The following ADAR variants were observed in gnomAD, a reference collection of about 807,000 sequenced individuals.
ADAR encodes double-stranded RNA-specific adenosine deaminase.
A neutral mutation model predicts 113.2 loss-of-function variants in ADAR; 41 were observed. The observed-to-expected ratio is 0.36, with a 90% confidence interval of 0.28 to 0.47. The LOEUF is 0.47. ADAR is among the 20% of genes least tolerant of loss of function. The probability of loss-of-function intolerance (pLI) is 1.00; values close to 1 mark genes in which losing one functional copy is unlikely to be tolerated. For missense variants in ADAR, 1,242 were observed against 1,540.9 expected (o/e 0.81, Z 3.25); for synonymous variants, 605 against 572.6 (o/e 1.06, Z -0.81).
chr1:154,592,421 A>T (rs568130381), intron 6 of ADAR, among the ~76,000 whole-genome samples: 1 of 152,342 alleles, frequency 6.6e-6, no homozygotes, highest in South Asian at 2.1e-4. Flanking sequence ...TAAAAAAAAT[A>T]GAAGATACTC....
At chr1:154,604,494 C>T (rs1211089334) in intron 1 of ADAR, among the ~76,000 whole-genome samples, 1 of 152,210 alleles carries the variant, frequency 6.6e-6, no homozygotes, top group African/African-American at 2.4e-5. Context: ...TTGACTTGTG[C>T]TAACAGGGTC....
upstream of ADAR, among the ~76,000 whole-genome samples, chr1:154,609,798 G>C (rs1318946401): frequency 6.6e-6 from 1 of 152,212 alleles, no homozygotes; most frequent in African/African-American, 2.4e-5. Flanking sequence ...CCCAGGATAT[G>C]ACACAAATAA....
chr1:154,616,218 T>A (rs1437465061), intron 1 of ADAR, among the ~76,000 whole-genome samples: 5 of 152,224 alleles, frequency 3.3e-5, no homozygotes, highest in Non-Finnish European at 7.3e-5. Flanking sequence ...GCTGCAGGAA[T>A]CTTTTATGCA....
chr1:154,601,025 C>T lies in ADAR; in HGVS notation c.1601+16G>A. ...CTGACCCCAACCCTAGGTACAGTTC[C>T]TGGGTGGTCTCTTACCGAGGTTCAT... On this transcript the variant is annotated intron_variant, in intron 2 of 14. Transcript: ENST00000368474. The surrounding 1 kb of genome is among the most constrained non-coding windows in gnomAD (Gnocchi z 4.7). The T allele has an allele frequency of 6.2e-7, 1 of 1,614,006 alleles. No individual in the cohort carries two copies. Among genetic ancestry groups the T allele is most frequent in the Non-Finnish European group, 8.5e-7 (1 of 1,180,042 alleles).
chr1:154,627,914 A>AGCCCCCCCCCCCCCCCCCCCC, exon 1 of ADAR: 1 of 463,322 alleles, frequency 2.2e-6, no homozygotes, highest in Non-Finnish European at 4.2e-6. Context: ...TGCGGCCGCG[A>AGCCCCCCCCCCCCCCCCCCCC]CCCTCCCCCC....
intron 1 of ADAR, among the ~76,000 whole-genome samples, chr1:154,613,904 C>CAAAA (rs1553216901): frequency 1.6e-5 from 2 of 124,264 alleles, no homozygotes; most frequent in African/African-American, 6.5e-5. Flanking sequence ...AACTCCATCT[C>CAAAA]AAAAAAAAAA....
intron 1 of ADAR, among the ~76,000 whole-genome samples, chr1:154,607,611 C>CGG (rs962520446): frequency 1.3e-5 from 2 of 152,234 alleles, no homozygotes; most frequent in Non-Finnish European, 2.9e-5. Context: ...CCTACTCAGA[C>CGG]GGGGGCGCAT....
At chr1:154,612,136 A>G (rs1002757320), upstream of ADAR, among the ~76,000 whole-genome samples, 3 of 152,078 alleles carry the variant, frequency 2.0e-5, no homozygotes, top group East Asian at 5.8e-4. Flanking sequence ...CTATAACCAG[A>G]CTTTACTACA....
intron 1 of ADAR, among the ~76,000 whole-genome samples, chr1:154,627,354 C>T (rs761053724): frequency 1.1e-4 from 16 of 152,304 alleles, no homozygotes; most frequent in Non-Finnish European, 2.2e-4. Context: ...GTGGAAGGCA[C>T]GCCAGGGCGG....
intron 1 of ADAR, among the ~76,000 whole-genome samples, chr1:154,623,699 T>C (rs1698856122): frequency 6.6e-6 from 1 of 152,096 alleles, no homozygotes; most frequent in Non-Finnish European, 1.5e-5. Context: ...TTTTTCAGTA[T>C]GCATAGAGAA....
chr1:154,584,774 A>G lies in ADAR; in HGVS notation c.*32T>C. ...CCTACCTCTCTCACACCCTAGTATGACACACCCTAATCCATCTGTCACTGG... is the reference window on the plus strand; with the variant it reads ...CCTACCTCTCTCACACCCTAGTATGGCACACCCTAATCCATCTGTCACTGG... On this transcript the variant is annotated 3_prime_UTR_variant, in exon 15 of 15. Coordinates refer to ENST00000368474, the MANE Select transcript of ADAR (RefSeq NM_001111.5). The G allele has an allele frequency of 6.4e-7, 1 of 1,565,284 alleles. No homozygotes were observed. The highest frequency in any genetic ancestry group is 8.8e-7 in the Non-Finnish European group (1 of 1,136,710).
intron 2 of ADAR, among the ~76,000 whole-genome samples, chr1:154,599,876 A>C (rs1697747170): frequency 6.6e-6 from 1 of 152,242 alleles, no homozygotes; most frequent in Non-Finnish European, 1.5e-5. Context: ...GGAGGTTTAT[A>C]AAATTAGAAC....
Position 154,585,734 on chromosome 1 carries a change from T to C in ADAR, c.3315+19A>G, listed in dbSNP as rs755912668. 8.2e-6 allele frequency: 13 copies of C among 1,590,642 alleles called. No homozygotes were observed. Among genetic ancestry groups the C allele is most frequent in the African/African-American group, 5.4e-5 (4 of 74,286 alleles). On this transcript the variant is annotated intron_variant, in intron 13 of 14. Transcript: ENST00000368474. ...AAAAGGAGGAAAATGTCAGGGAAAA[T>C]AGAAGGGGGTTATAGCACCTTGGGG...
chr1:154,608,223 C>T (rs540899084), upstream of ADAR: 15 of 575,100 alleles, frequency 2.6e-5, no homozygotes, highest in Admixed American at 1.2e-4. Context: ...CCTTCCCCTC[C>T]GGAAAGTTTG....
chr1:154,582,980 A>C lies in ADAR; in HGVS notation c.*1826T>G, dbSNP rs952493325. ...CTATTTTTAGAACTTGCATTTTCTT[A>C]CTTTGGTCAATTTTTGGTCAAAAGT... On this transcript the variant is annotated 3_prime_UTR_variant, in exon 15 of 15. Coordinates refer to ENST00000368474, the MANE Select transcript of ADAR (RefSeq NM_001111.5). The C allele has an allele frequency of 1.3e-5, 2 of 152,210 alleles. No homozygotes were observed. Among genetic ancestry groups the C allele is most frequent in the South Asian group, 4.1e-4 (2 of 4,830 alleles). 9.4% of individuals were successfully genotyped at this position (152,210 alleles called of 1,614,324 possible).
At chr1:154,615,503 G>A (rs1698609724) in intron 1 of ADAR, among the ~76,000 whole-genome samples, 1 of 151,372 alleles carries the variant, frequency 6.6e-6, no homozygotes, top group African/African-American at 2.4e-5. Flanking sequence ...TCAAACTCCT[G>A]GGCTCAAGCA....
chr1:154,627,302 C>G (rs35504625), intron 1 of ADAR, among the ~76,000 whole-genome samples: 56,763 of 152,082 alleles, frequency 0.37, 12,812 homozygotes, highest in East Asian at 0.53. Flanking sequence ...GCGGCCGTGA[C>G]CCCGCAGTGA....
chr1:154,594,516 A>G (rs747451529), intron 6 of ADAR, among the ~76,000 whole-genome samples: 1 of 152,230 alleles, frequency 6.6e-6, no homozygotes, highest in Non-Finnish European at 1.5e-5. Flanking sequence ...ATGCAAAACC[A>G]CTATGACCAC....
chr1:154,598,060 A>C, intron 3 of ADAR, 84 bp from the exon 4 acceptor site: 1 of 1,479,594 alleles, frequency 6.8e-7, no homozygotes, highest in East Asian at 2.4e-5. Context: ...GGGATGGGGG[A>C]CTTTATTCCC....
Sources: allele counts gnomAD v4.1 joint callset (sites outside exome capture counted in the v4.1 genomes callset), GRCh38; gene constraint gnomAD v4.1.1; non-coding constraint Gnocchi (gnomAD v3.1); transcripts MANE v1.5; gene names NCBI Gene and HGNC (gene_info 2026-07-23, HGNC 2026-07-21).